Variants in DAPK1 observed in about 807,000 individuals in gnomAD.
DAPK1 encodes the protein death-associated protein kinase 1.
Under a neutral mutation model 144.9 loss-of-function variants are expected in DAPK1, and 56 were observed. The ratio of observed to expected loss-of-function variants is 0.39; its 90% confidence interval spans 0.31 to 0.48. DAPK1 has a LOEUF of 0.48. Among genes scored for constraint, DAPK1 ranks in the 20% least tolerant of loss-of-function variants. The pLI, the probability that DAPK1 is intolerant of heterozygous loss-of-function variation, is 0.95. For synonymous variants in DAPK1, 690 were observed against 749.0 expected (o/e 0.92, Z 1.29); for missense variants, 1,454 against 1,875.4 (o/e 0.78, Z 4.15).
chr9:87,630,426 C>A (rs1276396762), intron 3 of DAPK1, among the ~76,000 whole-genome samples: 1 of 152,136 alleles, frequency 6.6e-6, no homozygotes, highest in African/African-American at 2.4e-5. Context: ...AGGTTGATGA[C>A]CTCCTCCAGG....
chr9:87,569,672 C>T (rs901245304), intron 2 of DAPK1, among the ~76,000 whole-genome samples: 13 of 151,928 alleles, frequency 8.6e-5, no homozygotes, highest in African/African-American at 1.7e-4. Flanking sequence ...AGTGTCAATG[C>T]GGGTGCATCC....
At chr9:87,700,353 CT>C in intron 24 of DAPK1, 116 bp downstream of exon 24, 2 of 759,814 alleles carry the variant, frequency 2.6e-6, no homozygotes, top group Non-Finnish European at 4.6e-6. Flanking sequence ...CTGGACATGT[CT>C]TTATCCTAGT....
chr9:87,547,860 T>C (rs1416313865), intron 2 of DAPK1, among the ~76,000 whole-genome samples: 1 of 152,168 alleles, frequency 6.6e-6, no homozygotes, highest in East Asian at 1.9e-4. Flanking sequence ...TCTGCTGATT[T>C]AGATGTTAAT....
At chr9:87,603,118 T>A (rs988580883) in intron 2 of DAPK1, among the ~76,000 whole-genome samples, 3 of 152,212 alleles carry the variant, frequency 2.0e-5, no homozygotes, top group East Asian at 1.9e-4. Context: ...GGCCTCCCTA[T>A]CCTGGGTCCT....
chr9:87,655,498 G>T (rs936786051), intron 17 of DAPK1, among the ~76,000 whole-genome samples: 2 of 152,184 alleles, frequency 1.3e-5, no homozygotes, highest in Non-Finnish European at 1.5e-5. Flanking sequence ...TGAGCGTGGG[G>T]TGGCATCCAC....
In DAPK1 at chr9:87,686,774, GT is replaced by G. The variant is rs748088999; in HGVS notation, c.2413+38del. ...GCCTGCCCCAAGGGAAGGACCTCAGGTTTCCCTTCAACAGGGTTGTAAGTCA... is the reference window on the plus strand; with the variant it reads ...GCCTGCCCCAAGGGAAGGACCTCAGGTTCCCTTCAACAGGGTTGTAAGTCA... On this transcript the variant is annotated intron_variant, in intron 21 of 25. Coordinates refer to ENST00000408954, the MANE Select transcript of DAPK1 (RefSeq NM_004938.4). This position sits in a 1 kb window ranked among gnomAD's most constrained non-coding sequence, Gnocchi z 4.2. 6.6e-7 allele frequency: 1 copy of G among 1,523,236 alleles called. No homozygotes were observed. The highest frequency in any genetic ancestry group is 9.1e-7 in the Non-Finnish European group (1 of 1,104,406). 94.4% of individuals were successfully genotyped at this position (1,523,236 alleles called of 1,614,324 possible).
intron 19 of DAPK1, among the ~76,000 whole-genome samples, chr9:87,671,831 G>A (rs1824172189): frequency 6.6e-6 from 1 of 152,176 alleles, no homozygotes; most frequent in South Asian, 2.1e-4. Flanking sequence ...TCATCTTAAT[G>A]CCCTAATTAA....
intron 17 of DAPK1, among the ~76,000 whole-genome samples, chr9:87,654,402 A>G (rs36214386): frequency 6.6e-6 from 1 of 152,342 alleles, no homozygotes; most frequent in East Asian, 1.9e-4. Flanking sequence ...TGTTGGAGGT[A>G]AAAGGATATC....
intron 15 of DAPK1, 47 bp downstream of exon 15, chr9:87,648,926 G>T: frequency 6.6e-7 from 1 of 1,506,912 alleles, no homozygotes; most frequent in Admixed American, 1.7e-5. Context: ...ATACATGAAT[G>T]TACAGGCAGC....
intron 2 of DAPK1, among the ~76,000 whole-genome samples, chr9:87,538,417 T>C (rs940012520): frequency 8.6e-5 from 13 of 151,410 alleles, no homozygotes; most frequent in Non-Finnish European, 1.9e-4. Context: ...TGTAGATGTC[T>C]ATTTTGGTTT....
intron 2 of DAPK1, among the ~76,000 whole-genome samples, chr9:87,520,782 T>C (rs1025963787): frequency 2.6e-5 from 4 of 152,226 alleles, no homozygotes; most frequent in African/African-American, 9.6e-5. Context: ...CCTGTGTGCG[T>C]ACATACATAG....
At chr9:87,659,634 C>T (rs975520998) in intron 18 of DAPK1, among the ~76,000 whole-genome samples, 12 of 152,274 alleles carry the variant, frequency 7.9e-5, no homozygotes, top group African/African-American at 2.9e-4. Flanking sequence ...TGCCCTTGCC[C>T]ACGACATCTG....
chr9:87,604,831 A>G (rs866448653), intron 2 of DAPK1, 123 bp from the exon 3 acceptor site: 13 of 785,016 alleles, frequency 1.7e-5, no homozygotes, highest in African/African-American at 1.2e-4. Flanking sequence ...CTAATTTGTT[A>G]CTTTCCACAA....
At chr9:87,566,943 C>G (rs909519122) in intron 2 of DAPK1, among the ~76,000 whole-genome samples, 1 of 152,120 alleles carries the variant, frequency 6.6e-6, no homozygotes, top group African/African-American at 2.4e-5. Flanking sequence ...GAACTGATAA[C>G]TATACATTCG....
intron 18 of DAPK1, among the ~76,000 whole-genome samples, chr9:87,661,579 T>C (rs904196000): frequency 2.6e-5 from 4 of 152,192 alleles, no homozygotes; most frequent in Non-Finnish European, 5.9e-5. Flanking sequence ...TGATTGGTGA[T>C]GTTGAACATG....
chr9:87,633,382 G>C (rs1010959391), intron 3 of DAPK1: 1 of 985,168 alleles, frequency 1.0e-6, no homozygotes, highest in African/African-American at 1.7e-5. Flanking sequence ...TGAATACATA[G>C]GGCCTTCTGG....
At chr9:87,562,677 T>G (rs1335980173) in intron 2 of DAPK1, among the ~76,000 whole-genome samples, 1 of 152,206 alleles carries the variant, frequency 6.6e-6, no homozygotes, top group African/African-American at 2.4e-5. Context: ...CTGAAAGAAG[T>G]TGAGATTGTC....
chr9:87,608,822 T>G (rs1480115628), intron 3 of DAPK1, among the ~76,000 whole-genome samples: 6 of 152,198 alleles, frequency 3.9e-5, no homozygotes, highest in Admixed American at 2.0e-4. Context: ...TCCCTGGTTA[T>G]TTGCTCTTCA....
intron 11 of DAPK1, among the ~76,000 whole-genome samples, 154 bp downstream of exon 11, chr9:87,643,622 G>A (rs3793656): frequency 0.33 from 49,467 of 151,726 alleles, 9,178 homozygotes; most frequent in East Asian, 0.54. Context: ...GGTGCTGATT[G>A]ATGCACCCTC....
Sources: gnomAD v4.1 joint callset for allele counts (sites outside exome capture counted in the v4.1 genomes callset) on GRCh38, gnomAD v4.1.1 for gene constraint, Gnocchi (gnomAD v3.1) non-coding constraint, MANE v1.5 for transcripts, NCBI Gene and HGNC (gene_info 2026-07-23, HGNC 2026-07-21) for gene names.